PDE6B: variants seen among roughly 807,000 people sequenced by gnomAD.
The protein encoded by PDE6B is phosphodiesterase 6B, also known as rod cGMP-specific 3',5'-cyclic phosphodiesterase subunit beta.
PDE6B carries 106 observed loss-of-function variants against 109.0 expected under a neutral mutation model. That is an observed-to-expected ratio of 0.97 (90% CI 0.83 to 1.14). The LOEUF (loss-of-function observed/expected upper bound fraction) is 1.14, where lower values mean the gene tolerates loss of function less well. PDE6B is among the 50% of genes most tolerant of loss of function. The probability of loss-of-function intolerance (pLI) is 0.00; values close to 1 mark genes in which losing one functional copy is unlikely to be tolerated. For missense variants in PDE6B, 1,193 were observed against 1,155.6 expected (o/e 1.03, Z -0.47); for synonymous variants, 490 against 471.3 (o/e 1.04, Z -0.51).
At chr4:628,759 C>T (rs1171539790) in intron 1 of PDE6B, among the ~76,000 whole-genome samples, 3 of 152,226 alleles carry the variant, frequency 2.0e-5, no homozygotes, top group African/African-American at 7.2e-5. Flanking sequence ...ACTCTCGGGC[C>T]TACAGGGAGC....
At position 664,198 on chromosome 4, in the gene PDE6B, G is replaced by T. The variant is rs749521240; in HGVS notation, c.2106G>T (p.Glu702Asp). Residue 702 changes from glutamate (E) to aspartate (D), a missense_variant, in exon 17 of 22, where the codon GAG (glutamate) becomes GAT (aspartate). By Grantham distance (45) the Glu-to-Asp change is conservative. Transcript: ENST00000496514. ...GCTGGGTGGAGTACCTGTCCCTGGAGACGACCCGGAAGGAGATCGTCATGT... is the reference window on the plus strand; with the variant it reads ...GCTGGGTGGAGTACCTGTCCCTGGATACGACCCGGAAGGAGATCGTCATGT... ...KKSWVEYLSLETTRKEIVMAM... is the reference protein window; with the variant it reads ...KKSWVEYLSLDTTRKEIVMAM... 2.5e-6 allele frequency: 4 copies of T among 1,606,292 alleles called. No homozygotes were observed. In the African/African-American group the frequency reaches 4.0e-5, roughly 16 times the overall value.
intron 3 of PDE6B, chr4:653,224 CG>C (rs1735744798): frequency 9.9e-7 from 1 of 1,008,794 alleles, no homozygotes; most frequent in Admixed American, 5.1e-5. Flanking sequence ...GAAGACCCAG[CG>C]GCCGCCGCGA....
chr4:654,712 T>G (rs879124824), intron 5 of PDE6B, 112 bp from the exon 6 acceptor site: 85 of 787,054 alleles, frequency 1.1e-4, no homozygotes, highest in South Asian at 9.7e-4. Context: ...GTTACGTGTG[T>G]GGGGGTGTGC....
At chr4:637,044 TTCAA>T (rs1382284147) in intron 3 of PDE6B, among the ~76,000 whole-genome samples, 1 of 152,266 alleles carries the variant, frequency 6.6e-6, no homozygotes, top group African/African-American at 2.4e-5. Flanking sequence ...TACTAATTTA[TTCAA>T]TCATTTATTT....
At position 646,320 on chromosome 4, in the gene PDE6B, G is replaced by C. The variant is rs936225008; in HGVS notation, c.712-7532G>C. On this transcript the variant is annotated intron_variant, in intron 3 of 21. Coordinates refer to ENST00000496514, the MANE Select transcript of PDE6B (RefSeq NM_000283.4). The stretch of plus-strand genomic sequence containing the variant: ...ACTTCACTCTCCTCTTGCTCGCATC[G>C]TTTCTGATGAGATGTTTCCAACGTC... Among the ~76,000 whole-genome samples the C allele has an allele frequency of 2.0e-5, 3 of 151,716 alleles. 1 individual carries two copies. Among genetic ancestry groups the C allele is most frequent in the African/African-American group, 7.3e-5 (3 of 41,142 alleles).
rs1477825836 is a variant in PDE6B, at chr4:662,834, T to TTA, written c.1832+216_1832+217insTA. Among the ~76,000 whole-genome samples the TTA allele has an allele frequency of 2.6e-4, 24 of 92,132 alleles. No homozygotes were observed. In the South Asian group the frequency reaches 7.6e-3, roughly 29 times the overall value. 60.4% of individuals were successfully genotyped at this position (92,132 alleles called of 152,430 possible). ...GCAAGAGCTCTCCTCTACAAAAACT[T>TTA]AAAAAAAAAAAAAAAAAAAAAAGCT... is the stretch of plus-strand genomic sequence containing the variant. On this transcript the variant is annotated intron_variant, in intron 14 of 21. Transcript: ENST00000496514. The surrounding 1 kb of genome is among the most constrained non-coding windows in gnomAD (Gnocchi z 4.3).
rs140538420 is a variant in PDE6B, at chr4:625,743, G to A, written c.117G>A (p.Gly39=). The A allele has an allele frequency of 2.5e-6, 4 of 1,613,404 alleles. No individual in the cohort carries two copies. The highest frequency in any genetic ancestry group is 2.2e-5 in the South Asian group (2 of 91,082). ...ATGTGGCCGCGGCCTGCGAGGACGG[G>A]TGCCCGCCGGACTGCGACAGCCTCC... is the stretch of plus-strand genomic sequence containing the variant. ...PENVAAACED[G]CPPDCDSLRD... Residue 39 remains glycine, a synonymous_variant, in exon 1 of 22, where the codon GGG becomes GGA. Transcript: ENST00000496514. The surrounding 1 kb of genome is among the most constrained non-coding windows in gnomAD (Gnocchi z 5.0).
intron 21 of PDE6B, among the ~76,000 whole-genome samples, chr4:669,534 C>G (rs200323657): frequency 4.3e-4 from 15 of 34,722 alleles, no homozygotes; most frequent in East Asian, 7.3e-4. Context: ...TTCCCGCTAC[C>G]CCATGCTATT....
rs771712859 is a variant in PDE6B, at chr4:659,034, C to T, written c.1467+17C>T. Reference sequence around the variant, plus strand: ...GAAATCCTGGTAAGAACCTTGCTCCCGTCCCTCCCATGGAGGCCGGCCACG... The same window carrying T: ...GAAATCCTGGTAAGAACCTTGCTCCTGTCCCTCCCATGGAGGCCGGCCACG... On this transcript the variant is annotated intron_variant, in intron 11 of 21. Coordinates refer to ENST00000496514, the MANE Select transcript of PDE6B (RefSeq NM_000283.4). 2.2e-5 allele frequency: 35 copies of T among 1,603,988 alleles called. No homozygotes were observed. The highest frequency in any genetic ancestry group is 5.5e-5 in the South Asian group (5 of 90,904).
In PDE6B at chr4:665,422, G is replaced by A; in HGVS notation, c.2268+93G>A. The stretch of plus-strand genomic sequence containing the variant: ...GCCTCAGGTCCTGGCTTGGTCTCAG[G>A]CAGGGGGTTCTGAGGTCGTGGGGTC... On this transcript the variant is annotated intron_variant, in intron 19 of 21. Transcript: ENST00000496514. The surrounding 1 kb of genome is among the most constrained non-coding windows in gnomAD (Gnocchi z 4.0). The A allele has an allele frequency of 2.3e-6, 2 of 868,816 alleles. No individual in the cohort carries two copies. The highest frequency in any genetic ancestry group is 1.9e-5 in the Admixed American group (1 of 52,884). The allele number at this position is 868,816 out of a possible 1,614,324, so 53.8% of individuals were successfully genotyped here. A position where few individuals can be genotyped will look rare whatever the true frequency, so the allele number is the denominator to read the frequency against.
chr4:627,946 G>C (rs1194423316), intron 1 of PDE6B, among the ~76,000 whole-genome samples: 27 of 151,850 alleles, frequency 1.8e-4, no homozygotes, highest in Admixed American at 1.7e-3. Context: ...GGCCTGGCCT[G>C]TTCCCCAGGG....
At position 662,127 on chromosome 4, in the gene PDE6B, C is replaced by A. The variant is rs1053789088; in HGVS notation, c.1615-7C>A. The A allele has an allele frequency of 2.7e-6, 4 of 1,474,676 alleles. No homozygotes were observed. In the South Asian group the frequency reaches 4.8e-5, roughly 18 times the overall value. The allele number at this position is 1,474,676 out of a possible 1,614,324, so 91.3% of individuals were successfully genotyped here. ...GCCGGAGCCCTGTGTCCTCTCGGCT[C>A]CCCCAGGTCCTGGTGCGGTTCCTGT... On this transcript the variant is annotated splice_polypyrimidine_tract_variant and splice_region_variant and intron_variant, in intron 12 of 21. Coordinates refer to ENST00000496514, the MANE Select transcript of PDE6B (RefSeq NM_000283.4). The surrounding 1 kb of genome is among the most constrained non-coding windows in gnomAD (Gnocchi z 4.3).
Position 667,963 on chromosome 4 carries a change from T to A in PDE6B, c.2460T>A (p.Ala820=), listed in dbSNP as rs1322089655. ...LADEYEAKVK[A]LEEKEEEERV... is the part of the protein sequence containing the mutation. The stretch of plus-strand genomic sequence containing the variant: ...ATGAGTATGAGGCCAAAGTGAAGGC[T>A]CTGGAGGAGAAGGAGGAGGAGGAGA... The change falls in exon 21 of 22, where the codon GCT becomes GCA. Residue 820 remains alanine (A), a synonymous_variant. Coordinates refer to ENST00000496514, the MANE Select transcript of PDE6B (RefSeq NM_000283.4). The A allele has an allele frequency of 6.2e-7, 1 of 1,613,018 alleles. No homozygotes were observed. The highest frequency in any genetic ancestry group is 1.3e-5 in the African/African-American group (1 of 74,884).
rs574098823 is a variant in PDE6B, at chr4:634,690, G to A, written c.482G>A (p.Ser161Asn). 1.0e-4 allele frequency: 161 copies of A among 1,613,214 alleles called. 3 individuals carry two copies. The South Asian group carries it at 1.6e-3, about 16-fold the overall frequency. ...VEDVAECPHF[S>N]SFADELTDYK... ...CTCTTGCGGCAGTGCCCTCACTTCA[G>A]CTCATTTGCTGACGAGCTCACTGAC... The change falls in exon 2 of 22, where the codon AGC (serine) becomes AAC (asparagine). Residue 161 changes from serine to asparagine, a missense_variant. Physicochemically the swap from Ser to Asn is conservative, Grantham distance 46. Transcript: ENST00000496514.
chr4:655,815 G>GCA, intron 6 of PDE6B, 125 bp from the exon 7 acceptor site: 1 of 751,416 alleles, frequency 1.3e-6, no homozygotes, highest in Admixed American at 1.8e-5. Flanking sequence ...TCTGACCCCT[G>GCA]CACACACACG....
chr4:639,898 G>C (rs918424788), intron 3 of PDE6B, among the ~76,000 whole-genome samples: 2 of 152,126 alleles, frequency 1.3e-5, no homozygotes, highest in Non-Finnish European at 2.9e-5. Flanking sequence ...TTGAACCCAG[G>C]AGCTGGGTCT....
chr4:649,642 C>T (rs1735394295), intron 3 of PDE6B, among the ~76,000 whole-genome samples: 1 of 152,134 alleles, frequency 6.6e-6, no homozygotes, highest in Non-Finnish European at 1.5e-5. Context: ...GGTGGACCCA[C>T]AGAGGCCTGG....
At chr4:651,025 C>CA (rs1221224335) in intron 3 of PDE6B, among the ~76,000 whole-genome samples, 13 of 152,074 alleles carry the variant, frequency 8.5e-5, no homozygotes, top group African/African-American at 1.9e-4. Context: ...CCGATGTCAA[C>CA]GGCAGTGGGG....
chr4:635,632 C>CTCAT (rs1259061686), intron 2 of PDE6B, among the ~76,000 whole-genome samples: 3 of 150,522 alleles, frequency 2.0e-5, no homozygotes, highest in Admixed American at 6.7e-5. Context: ...GCTCCACGTG[C>CTCAT]TCATCTGCAC....
Sources: gnomAD v4.1 joint callset for allele counts (sites outside exome capture counted in the v4.1 genomes callset) on GRCh38, gnomAD v4.1.1 for gene constraint, Gnocchi (gnomAD v3.1) non-coding constraint, MANE v1.5 for transcripts, NCBI Gene and HGNC (gene_info 2026-07-23, HGNC 2026-07-21) for gene names.